Variants in NOS1 observed in about 807,000 individuals in gnomAD.
The protein encoded by NOS1 is NOS type I.
A neutral mutation model predicts 164.5 loss-of-function variants in NOS1; 51 were observed. The observed-to-expected ratio is 0.31, with a 90% CI of 0.25 to 0.39. NOS1 has a LOEUF of 0.39. Ranked by LOEUF, NOS1 falls within the 10% of genes least tolerant of loss-of-function variation. The pLI is 1.00. For missense variants in NOS1, 1,362 were observed against 1,885.6 expected, an observed-to-expected ratio of 0.72 and a Z score of 5.14; for synonymous variants, 719 against 745.8, an observed-to-expected ratio of 0.96 and a Z score of 0.59.
At position 117,337,104 on chromosome 12, in the gene NOS1, C is replaced by CTA. The variant is rs1566082153; in HGVS notation, c.-420-5616_-420-5615insTA. 1.3e-4 allele frequency among the ~76,000 whole-genome samples: 12 copies of CTA among 94,072 alleles called. 1 individual carries two copies. Among genetic ancestry groups the CTA allele is most frequent in the South Asian group, 4.0e-4 (1 of 2,524 alleles). The allele number at this position is 94,072 out of a possible 152,430, so 61.7% of individuals were successfully genotyped here. On this transcript the variant is annotated intron_variant, in intron 1 of 28. Transcript: ENST00000317775. The stretch of plus-strand genomic sequence containing the variant: ...AGCCACTGTACCCAGCTGCTTTTTA[C>CTA]TCTTTTTTTTTTTTTTTTTTTTTTT...
Position 117,345,380 on chromosome 12 carries a change from A to T in NOS1, c.-420-13891T>A, listed in dbSNP as rs1431336044. 3.9e-5 allele frequency among the ~76,000 whole-genome samples: 6 copies of T among 152,176 alleles called. No homozygotes were observed. The East Asian group carries it at 9.7e-4, about 25-fold the overall frequency. ...ACTTAACAATTTAAATTATTGCCCA[A>T]CAGTCAAATATTGGCTCACCTCCCT... On this transcript the variant is annotated intron_variant, in intron 1 of 28. Coordinates refer to ENST00000317775, the MANE Select transcript of NOS1 (RefSeq NM_000620.5).
chr12:117,285,058 A>T (rs1181804890), intron 7 of NOS1, among the ~76,000 whole-genome samples, 183 bp downstream of exon 7: 2 of 150,520 alleles, frequency 1.3e-5, no homozygotes, highest in Non-Finnish European at 3.0e-5. Flanking sequence ...TCAAAAAAAA[A>T]AATAAATAAA....
intron 2 of NOS1, among the ~76,000 whole-genome samples, chr12:117,313,299 C>T (rs1464483212): frequency 1.3e-5 from 2 of 152,060 alleles, no homozygotes; most frequent in Admixed American, 6.6e-5. Flanking sequence ...TGGATGCTAG[C>T]GCCTGACTTT....
chr12:117,286,929 T>A (rs948944990), intron 5 of NOS1, among the ~76,000 whole-genome samples: 1 of 152,138 alleles, frequency 6.6e-6, no homozygotes, highest in Non-Finnish European at 1.5e-5. Flanking sequence ...CATATAGGCA[T>A]ACAGGCCGGG....
intron 27 of NOS1, among the ~76,000 whole-genome samples, chr12:117,218,432 G>T (rs1956646013): frequency 2.0e-5 from 3 of 152,104 alleles, no homozygotes; most frequent in African/African-American, 4.8e-5. Context: ...CACCGCTGCT[G>T]CTTGGTGGAT....
At chr12:117,284,989 G>T (rs1332188403) in intron 7 of NOS1, among the ~76,000 whole-genome samples, 2 of 150,098 alleles carry the variant, frequency 1.3e-5, no homozygotes, top group Non-Finnish European at 3.0e-5. Context: ...GGCAGAGGTT[G>T]CAGTGAGCCG....
chr12:117,330,862 G>A lies in NOS1; in HGVS notation c.208C>T (p.Arg70Trp), dbSNP rs1362576199. The change falls in exon 2 of 29, where the codon CGG (arginine) becomes TGG (tryptophan). Residue 70 changes from arginine (R) to tryptophan (W), a missense_variant. By Grantham distance (101) the Arg-to-Trp change is moderately radical. Coordinates refer to ENST00000317775, the MANE Select transcript of NOS1 (RefSeq NM_000620.5). The surrounding 1 kb of genome is among the most constrained non-coding windows in gnomAD (Gnocchi z 4.6). The part of the protein sequence containing the change: ...AGDIILAVNG[R>W]PLVDLSYDSA... Reference sequence around the variant, plus strand: ...TCATAGCTCAGGTCCACCAAGGGCCGGCCGTTGACCGCAAGAATGATGTCT... The same window carrying A: ...TCATAGCTCAGGTCCACCAAGGGCCAGCCGTTGACCGCAAGAATGATGTCT... 2.5e-6 allele frequency: 4 copies of A among 1,613,970 alleles called. No individual in the cohort carries two copies. Among genetic ancestry groups the A allele is most frequent in the South Asian group, 2.2e-5 (2 of 91,070 alleles).
chr12:117,236,601 G>A (rs879618898), intron 20 of NOS1, among the ~76,000 whole-genome samples: 3 of 152,098 alleles, frequency 2.0e-5, no homozygotes, highest in Non-Finnish European at 4.4e-5. Flanking sequence ...TGGTTCCTGG[G>A]GAGCAAAAAG....
intron 9 of NOS1, among the ~76,000 whole-genome samples, chr12:117,275,201 T>C (rs999206795): frequency 2.0e-5 from 3 of 150,948 alleles, no homozygotes; most frequent in Non-Finnish European, 2.9e-5. Context: ...AAAGTAATAA[T>C]TAAAAAAAAA....
rs1872880246 is a variant in NOS1 at position 117,272,653 on chromosome 12, TGGGA to T, written c.1665-98_1665-95del. 3.3e-6 allele frequency: 4 copies of T among 1,229,708 alleles called. No homozygotes were observed. The highest frequency in any genetic ancestry group is 4.6e-6 in the Non-Finnish European group (4 of 870,660). 76.2% of individuals were successfully genotyped at this position (1,229,708 alleles called of 1,614,324 possible). Reference sequence around the variant, plus strand: ...AGATGCTGAAATGCCAAGGATGGACTGGGACTGACAAGGTCAGAATATGGTTCCT... The same window carrying T: ...AGATGCTGAAATGCCAAGGATGGACTCTGACAAGGTCAGAATATGGTTCCT... On this transcript the variant is annotated intron_variant, in intron 9 of 28. Coordinates refer to ENST00000317775, the MANE Select transcript of NOS1 (RefSeq NM_000620.5). This position sits in a 1 kb window ranked among gnomAD's most constrained non-coding sequence, Gnocchi z 4.3.
Position 117,211,119 on chromosome 12 carries a change from G to A in NOS1, c.*4190C>T. On this transcript the variant is annotated 3_prime_UTR_variant, in exon 29 of 29. Coordinates refer to ENST00000317775, the MANE Select transcript of NOS1 (RefSeq NM_000620.5). The stretch of plus-strand genomic sequence containing the variant: ...CTACAGGCGCATGCCACCATGCCCA[G>A]CTAATTTTTGTATTTTCTTAGTAGA... The A allele has an allele frequency of 3.4e-6, 2 of 596,502 alleles. No homozygotes were observed. Among genetic ancestry groups the A allele is most frequent in the Non-Finnish European group, 4.2e-6 (2 of 474,924 alleles). 37.0% of individuals were successfully genotyped at this position (596,502 alleles called of 1,614,324 possible).
At chr12:117,342,051 A>C (rs56257650) in intron 1 of NOS1, among the ~76,000 whole-genome samples, 17,528 of 152,260 alleles carry the variant, frequency 0.12, 1,206 homozygotes, top group Admixed American at 0.22. Flanking sequence ...ACTTTTCTTA[A>C]CAATCATTAA....
chr12:117,323,823 G>A (rs987742130), intron 2 of NOS1, among the ~76,000 whole-genome samples: 4 of 151,796 alleles, frequency 2.6e-5, no homozygotes, highest in Non-Finnish European at 5.9e-5. Flanking sequence ...ACTCTGTCAC[G>A]CAGGCTGGAG....
intron 1 of NOS1, among the ~76,000 whole-genome samples, chr12:117,360,238 G>A (rs1413896041): frequency 6.6e-6 from 1 of 152,026 alleles, no homozygotes; most frequent in East Asian, 2.0e-4. Context: ...GGAGAGCCAT[G>A]AGCTCTCTGG....
At position 117,210,944 on chromosome 12, in the gene NOS1, T is replaced by C. The variant is rs1956517856; in HGVS notation, c.*4365A>G. The C allele has an allele frequency of 1.0e-6, 1 of 955,584 alleles. No homozygotes were observed. The allele number at this position is 955,584 out of a possible 1,614,324, so 59.2% of individuals were successfully genotyped here. On this transcript the variant is annotated 3_prime_UTR_variant, in exon 29 of 29. Coordinates refer to ENST00000317775, the MANE Select transcript of NOS1 (RefSeq NM_000620.5). ...TCTCTCAGCTAGGGGCAAGATGTTT[T>C]ATTTTATTTTATTTTATTTTATTTT... is the stretch of plus-strand genomic sequence containing the variant.
intron 17 of NOS1, among the ~76,000 whole-genome samples, chr12:117,251,709 G>A (rs1331244903): frequency 6.6e-6 from 1 of 151,572 alleles, no homozygotes; most frequent in African/African-American, 2.4e-5. Context: ...GGGATGGTAG[G>A]TGTGAGCCAC....
At position 117,211,046 on chromosome 12, in the gene NOS1, T is replaced by C. The variant is rs1956519785; in HGVS notation, c.*4263A>G. 2.8e-6 allele frequency: 2 copies of C among 707,386 alleles called. No individual in the cohort carries two copies. The highest frequency in any genetic ancestry group is 3.5e-6 in the Non-Finnish European group (2 of 576,804). 43.8% of individuals were successfully genotyped at this position (707,386 alleles called of 1,614,324 possible). A position where few individuals can be genotyped will look rare whatever the true frequency, so the allele number is the denominator to read the frequency against. On this transcript the variant is annotated 3_prime_UTR_variant, in exon 29 of 29. Transcript: ENST00000317775. ...ATCTTGGCTCACTGCAGCCTCCACC[T>C]CCTGGGCTCAAGCGATCCTCCTTCC...
At chr12:117,268,524 G>A (rs570318404) in intron 10 of NOS1, among the ~76,000 whole-genome samples, 1 of 151,448 alleles carries the variant, frequency 6.6e-6, no homozygotes, top group South Asian at 2.1e-4. Flanking sequence ...GAGGCACCTT[G>A]CCTGGCCAAG....
chr12:117,282,502 C>T (rs1873754384), intron 7 of NOS1, among the ~76,000 whole-genome samples: 1 of 152,210 alleles, frequency 6.6e-6, no homozygotes, highest in Admixed American at 6.5e-5. Context: ...TTCAAATCTG[C>T]TTCCTCCATA....
Sources: gnomAD v4.1 joint callset for allele counts (sites outside exome capture counted in the v4.1 genomes callset) on GRCh38, gnomAD v4.1.1 for gene constraint, Gnocchi (gnomAD v3.1) non-coding constraint, MANE v1.5 for transcripts, NCBI Gene and HGNC (gene_info 2026-07-23, HGNC 2026-07-21) for gene names.